Variants in CDH1 observed in about 807,000 individuals in gnomAD.
The protein encoded by CDH1 is cadherin 1.
A neutral mutation model predicts 84.5 loss-of-function variants in CDH1; 35 were observed. The observed-to-expected ratio is 0.41, with a 90% CI of 0.32 to 0.55. The LOEUF (loss-of-function observed/expected upper bound fraction) is 0.55. Among genes scored for constraint, CDH1 ranks in the 20% least tolerant of loss-of-function variants. CDH1 has a pLI of 0.19. For synonymous variants in CDH1, 417 were observed against 439.0 expected (o/e 0.95, Z 0.63); for missense variants, 994 against 1,126.6 (o/e 0.88, Z 1.68).
chr16:68,771,565 A>C (rs1959574267), intron 2 of CDH1, among the ~76,000 whole-genome samples: 1 of 151,812 alleles, frequency 6.6e-6, no homozygotes, highest in South Asian at 2.1e-4. Flanking sequence ...CATCCTGGCC[A>C]ACATGGTGAA....
At chr16:68,817,215 T>C (rs1165177936) in intron 10 of CDH1, among the ~76,000 whole-genome samples, 6 of 152,138 alleles carry the variant, frequency 3.9e-5, no homozygotes, top group Non-Finnish European at 7.3e-5. Flanking sequence ...TCTGTTAGCC[T>C]CCCTGTACCT....
At chr16:68,757,812 AG>A (rs1460109059) in intron 2 of CDH1, among the ~76,000 whole-genome samples, 1 of 139,918 alleles carries the variant, frequency 7.1e-6, no homozygotes, top group African/African-American at 2.7e-5. Flanking sequence ...CTTTTTTTTG[AG>A]ACAGGGCCTT....
At chr16:68,791,636 A>G (rs1170309714) in intron 2 of CDH1, among the ~76,000 whole-genome samples, 1 of 152,034 alleles carries the variant, frequency 6.6e-6, no homozygotes, top group East Asian at 1.9e-4. Flanking sequence ...TGCTCAGGCT[A>G]GTCTTGAATT....
At chr16:68,742,126 G>T (rs1962583761) in intron 2 of CDH1, among the ~76,000 whole-genome samples, 1 of 152,178 alleles carries the variant, frequency 6.6e-6, no homozygotes, top group South Asian at 2.1e-4. Flanking sequence ...AGAAAAGCTG[G>T]CAGGCTTTCC....
At chr16:68,801,363 ACCTTGGCCT>A in intron 2 of CDH1, among the ~76,000 whole-genome samples, 1 of 152,104 alleles carries the variant, frequency 6.6e-6, no homozygotes, top group East Asian at 1.9e-4. Context: ...TGATCTGCCC[ACCTTGGCCT>A]CCCAAAATGC....
intron 10 of CDH1, 49 bp from the exon 11 acceptor site, chr16:68,819,231 A>T (rs756057417): frequency 6.2e-7 from 1 of 1,610,204 alleles, no homozygotes. Context: ...TTTCAGCTAC[A>T]TGTTGTTTGC....
intron 2 of CDH1, among the ~76,000 whole-genome samples, chr16:68,743,995 G>A (rs530248440): frequency 4.6e-5 from 7 of 152,194 alleles, no homozygotes; most frequent in South Asian, 2.1e-4. Flanking sequence ...CAGATTGGAC[G>A]GAACATACAT....
chr16:68,795,628 G>A (rs1220231612), intron 2 of CDH1, among the ~76,000 whole-genome samples: 1 of 152,062 alleles, frequency 6.6e-6, no homozygotes, highest in East Asian at 2.0e-4. Context: ...CTGAGTAGCT[G>A]GGATTACAGG....
At chr16:68,788,752 A>G (rs1960133458) in intron 2 of CDH1, among the ~76,000 whole-genome samples, 1 of 152,138 alleles carries the variant, frequency 6.6e-6, no homozygotes, top group South Asian at 2.1e-4. Flanking sequence ...TAATCTCAAC[A>G]CTTTTGGAGG....
chr16:68,828,395 G>C (rs767131409), intron 14 of CDH1, 91 bp downstream of exon 14: 36 of 1,326,358 alleles, frequency 2.7e-5, no homozygotes, highest in Non-Finnish European at 3.9e-5. Flanking sequence ...AAACAGCTCT[G>C]AATCACTTTG....
chr16:68,743,448 C>G (rs1208211274), intron 2 of CDH1, among the ~76,000 whole-genome samples: 4 of 151,664 alleles, frequency 2.6e-5, no homozygotes, highest in Non-Finnish European at 5.9e-5. Flanking sequence ...TCACTGCAAC[C>G]CCCGCCTGCC....
At chr16:68,765,668 C>T (rs1201933610) in intron 2 of CDH1, 2 of 146,666 alleles carry the variant, frequency 1.4e-5, no homozygotes, top group East Asian at 4.0e-4. Context: ...GCTTGTTTGC[C>T]TCAAGACAGG....
At chr16:68,755,412 A>AT (rs1386600550) in intron 2 of CDH1, among the ~76,000 whole-genome samples, 1 of 151,900 alleles carries the variant, frequency 6.6e-6, no homozygotes, top group East Asian at 1.9e-4. Flanking sequence ...TAATTTTTAA[A>AT]TTTTTTGTTA....
At chr16:68,757,647 G>C (rs969446655) in intron 2 of CDH1, among the ~76,000 whole-genome samples, 4 of 152,148 alleles carry the variant, frequency 2.6e-5, no homozygotes, top group African/African-American at 9.7e-5. Context: ...TGAACTGGGA[G>C]GGTGGAATGC....
Position 68,815,545 on chromosome 16 carries a change from A to C in CDH1, c.1351A>C (p.Ile451Leu), listed in dbSNP as rs377416092. Reference sequence around the variant, plus strand: ...GGATTTTGAGGCCAAGCAGCAGTACATTCTACACGTAGCAGTGACGAATGT... The same window carrying C: ...GGATTTTGAGGCCAAGCAGCAGTACCTTCTACACGTAGCAGTGACGAATGT... ...GLDFEAKQQY[I>L]LHVAVTNVVP... The change falls in exon 10 of 16, where the codon ATT (isoleucine) becomes CTT (leucine). Residue 451 changes from isoleucine to leucine, a missense_variant. Ile to Leu is a conservative substitution (Grantham distance 5). Transcript: ENST00000261769. 91 of 1,614,130 alleles carry C rather than the reference A, an allele frequency of 5.6e-5. No individual in the cohort carries two copies. Among genetic ancestry groups the C allele is most frequent in the Non-Finnish European group, 7.4e-5 (87 of 1,180,062 alleles).
intron 2 of CDH1, among the ~76,000 whole-genome samples, chr16:68,752,402 C>G (rs1238970599): frequency 1.3e-5 from 2 of 152,218 alleles, no homozygotes; most frequent in African/African-American, 4.8e-5. Flanking sequence ...AGAACAGAAG[C>G]CTCAGGAGGC....
chr16:68,811,596 A>T, intron 6 of CDH1, 88 bp from the exon 7 acceptor site: 1 of 1,179,208 alleles, frequency 8.5e-7, no homozygotes, highest in Non-Finnish European at 1.3e-6. Flanking sequence ...CCCCTCCTTT[A>T]TCCCTCAGGG....
chr16:68,815,817 T>G, intron 10 of CDH1, 58 bp downstream of exon 10: 1 of 1,581,576 alleles, frequency 6.3e-7, no homozygotes, highest in East Asian at 2.2e-5. Context: ...TATCATTTTA[T>G]ATGTAAATCA....
intron 2 of CDH1, among the ~76,000 whole-genome samples, chr16:68,769,706 T>C (rs1959495774): frequency 6.6e-6 from 1 of 151,422 alleles, no homozygotes; most frequent in Admixed American, 6.6e-5. Context: ...GGTGGGAGTA[T>C]CGCCGGAGTC....
Sources: allele counts gnomAD v4.1 joint callset (sites outside exome capture counted in the v4.1 genomes callset), GRCh38; gene constraint gnomAD v4.1.1; transcripts MANE v1.5; gene names NCBI Gene and HGNC (gene_info 2026-07-23, HGNC 2026-07-21).